The following DMD variants were observed in gnomAD, a reference collection of about 807,000 sequenced individuals.
DMD encodes mutant dystrophin.
DMD carries 63 observed loss-of-function variants against 330.1 expected under a neutral mutation model. The observed-to-expected ratio is 0.19, with a 90% confidence interval of 0.16 to 0.24. DMD has a LOEUF of 0.24. Ranked by LOEUF, DMD falls within the 10% of genes least tolerant of loss-of-function variation. DMD has a pLI of 1.00. For synonymous variants in DMD, 1,223 were observed against 959.8 expected (o/e 1.27, Z -5.07); for missense variants, 3,344 against 2,684.1 (o/e 1.25, Z -5.43).
intron 78 of DMD, among the ~76,000 whole-genome samples, chrX:31,122,531 TTTC>T (rs2032844353): frequency 9.0e-6 from 1 of 111,285 alleles, no homozygotes; most frequent in Admixed American, 9.6e-5. Context: ...AGGTGGCTAT[TTTC>T]TCTCTGCTTT....
At chrX:32,567,959 T>A (rs1156491629) in intron 15 of DMD, among the ~76,000 whole-genome samples, 2 of 111,946 alleles carry the variant, frequency 1.8e-5, no homozygotes, top group East Asian at 2.8e-4. Flanking sequence ...ACTTACTTAC[T>A]CAGAATGTTA....
At chrX:32,044,932 T>C (rs1437352638) in intron 44 of DMD, among the ~76,000 whole-genome samples, 1 of 111,814 alleles carries the variant, frequency 8.9e-6, no homozygotes, top group African/African-American at 3.3e-5. Context: ...CTGATATAGT[T>C]TGGATATTTG....
At chrX:32,731,777 A>G (rs1439452023) in intron 7 of DMD, among the ~76,000 whole-genome samples, 1 of 112,240 alleles carries the variant, frequency 8.9e-6, no homozygotes, top group Non-Finnish European at 1.9e-5. Flanking sequence ...ACCATCATCA[A>G]AGTCCAAAAG....
At chrX:31,796,261 T>C (rs1373233651) in intron 50 of DMD, among the ~76,000 whole-genome samples, 1 of 112,117 alleles carries the variant, frequency 8.9e-6, no homozygotes, top group Non-Finnish European at 1.9e-5. Flanking sequence ...AAAACAAAAT[T>C]GCAGTGCTAA....
At chrX:31,677,908 G>A (rs1364289897) in intron 53 of DMD, among the ~76,000 whole-genome samples, 1 of 112,096 alleles carries the variant, frequency 8.9e-6, no homozygotes, top group Admixed American at 9.5e-5. Context: ...GGGATGTGGT[G>A]GAAGTGATAT....
At chrX:32,554,965 A>AAGAAAG (rs1556792190) in intron 16 of DMD, among the ~76,000 whole-genome samples, 7 of 96,748 alleles carry the variant, frequency 7.2e-5, no homozygotes, top group African/African-American at 2.6e-4. Context: ...GAGAGAAAGA[A>AAGAAAG]AGAGAGAGAG....
At chrX:33,225,187 T>C (rs926226015) in intron 1 of DMD, among the ~76,000 whole-genome samples, 6 of 111,477 alleles carry the variant, frequency 5.4e-5, no homozygotes, top group African/African-American at 2.0e-4. Context: ...AATTTAGGTG[T>C]AGGAAAAATT....
At chrX:31,621,754 C>A (rs1214798536) in intron 55 of DMD, among the ~76,000 whole-genome samples, 1 of 111,848 alleles carries the variant, frequency 8.9e-6, no homozygotes, top group African/African-American at 3.3e-5. Context: ...TGCTGTCTTT[C>A]CACATAATTT....
intron 51 of DMD, among the ~76,000 whole-genome samples, chrX:31,760,508 T>C (rs1453554075): frequency 6.3e-5 from 7 of 111,853 alleles, no homozygotes; most frequent in African/African-American, 2.3e-4. Flanking sequence ...CGTGTTCCAA[T>C]TGCCTGAAGT....
chrX:31,483,158 T>C (rs1176988934), intron 57 of DMD, among the ~76,000 whole-genome samples: 2 of 104,667 alleles, frequency 1.9e-5, no homozygotes, highest in Non-Finnish European at 3.9e-5. Context: ...GCCATTCTCC[T>C]GCCTCAGCCT....
In DMD at chrX:32,682,893, C is replaced by T. The variant is rs749666817; in HGVS notation, c.960+14977G>A. Among the ~76,000 whole-genome samples the T allele has an allele frequency of 4.5e-5, 5 of 111,866 alleles. No individual in the cohort carries two copies. The South Asian group carries it at 1.5e-3, about 34-fold the overall frequency. ...CCTTTCAGAATTTTCTTTCCCTTTGCGGAGTGACTGGGAGTATCCTAGATA... is the reference window on the plus strand; with the variant it reads ...CCTTTCAGAATTTTCTTTCCCTTTGTGGAGTGACTGGGAGTATCCTAGATA... On this transcript the variant is annotated intron_variant, in intron 9 of 78. Coordinates refer to ENST00000357033, the MANE Select transcript of DMD (RefSeq NM_004006.3).
chrX:32,734,632 T>C (rs1421905753), intron 7 of DMD, among the ~76,000 whole-genome samples: 1 of 106,765 alleles, frequency 9.4e-6, no homozygotes, highest in Non-Finnish European at 1.9e-5. Flanking sequence ...ATAAATGTAA[T>C]CCAGCATATA....
intron 1 of DMD, among the ~76,000 whole-genome samples, chrX:33,330,666 G>T (rs1437183853): frequency 8.9e-6 from 1 of 111,993 alleles, no homozygotes; most frequent in Non-Finnish European, 1.9e-5. Context: ...GTATGCAACT[G>T]GCTTTTAGAC....
intron 31 of DMD, 139 bp downstream of exon 31, chrX:32,389,932 A>T (rs2097989193): frequency 1.8e-6 from 1 of 554,294 alleles, no homozygotes; most frequent in African/African-American, 2.3e-5. Flanking sequence ...AGAGCAAAAC[A>T]CTCATTGTTT....
chrX:32,488,970 T>C (rs1359090977), intron 20 of DMD, among the ~76,000 whole-genome samples: 1 of 111,240 alleles, frequency 9.0e-6, no homozygotes, highest in African/African-American at 3.3e-5. Context: ...TACCTAATTC[T>C]AACTTATCAC....
intron 2 of DMD, among the ~76,000 whole-genome samples, chrX:32,906,581 T>G (rs1170475689): frequency 9.0e-6 from 1 of 111,625 alleles, no homozygotes; most frequent in Non-Finnish European, 1.9e-5. Context: ...AAAGCTGAAT[T>G]GAAATGGGCG....
At chrX:31,587,564 C>T (rs1180945073) in intron 55 of DMD, among the ~76,000 whole-genome samples, 1 of 112,117 alleles carries the variant, frequency 8.9e-6, no homozygotes, top group African/African-American at 3.2e-5. Flanking sequence ...TTCATGCATG[C>T]TGGCAAAGCC....
chrX:31,833,677 G>A (rs1326746356), intron 49 of DMD, among the ~76,000 whole-genome samples: 1 of 110,995 alleles, frequency 9.0e-6, no homozygotes, highest in African/African-American at 3.3e-5. Flanking sequence ...AAGAAACTGA[G>A]CAGGGATGAA....
At chrX:32,597,162 T>A (rs2055650841) in intron 12 of DMD, among the ~76,000 whole-genome samples, 1 of 111,783 alleles carries the variant, frequency 8.9e-6, no homozygotes, top group Non-Finnish European at 1.9e-5. Context: ...GGACTCAATG[T>A]AAGTGTCACC....
Sources: gnomAD v4.1 joint callset for allele counts (sites outside exome capture counted in the v4.1 genomes callset) on GRCh38, gnomAD v4.1.1 for gene constraint, MANE v1.5 for transcripts, NCBI Gene and HGNC (gene_info 2026-07-23, HGNC 2026-07-21) for gene names.